The following DNAH11 variants were observed in gnomAD, a reference collection of about 807,000 sequenced individuals.
DNAH11 encodes the protein axonemal beta dynein heavy chain 11.
In DNAH11, 442 loss-of-function variants were observed where a neutral mutation model predicts 526.0. The observed-to-expected ratio is 0.84, with a 90% CI of 0.78 to 0.91. The LOEUF (loss-of-function observed/expected upper bound fraction) is 0.91, where lower values mean the gene tolerates loss of function less well. DNAH11 is among the 40% of genes least tolerant of loss of function. The pLI is 0.00. For missense variants in DNAH11, 6,989 were observed against 5,448.7 expected (o/e 1.28, Z -8.90); for synonymous variants, 2,461 against 1,935.9 (o/e 1.27, Z -7.12).
In DNAH11 at chr7:21,615,186, G is replaced by A; in HGVS notation, c.3925G>A (p.Ala1309Thr). 1 of 1,613,152 alleles carries A rather than the reference G, an allele frequency of 6.2e-7. No individual in the cohort carries two copies. Among genetic ancestry groups the A allele is most frequent in the Non-Finnish European group, 8.5e-7 (1 of 1,179,506 alleles). ...AGAATCTACTCGTCTTTTTGAAGTG[G>A]CTCTTCCAGAGTACAAACAAATGAA... is the stretch of plus-strand genomic sequence containing the variant. ...MQESTRLFEV[A>T]LPEYKQMKQC... The change falls in exon 21 of 82, where the codon GCT (alanine) becomes ACT (threonine). Residue 1309 changes from alanine to threonine, a missense_variant. By Grantham distance (58) the Ala-to-Thr change is moderately conservative. Transcript: ENST00000409508.
intron 65 of DNAH11, among the ~76,000 whole-genome samples, chr7:21,827,225 C>A (rs1790340480): frequency 6.6e-6 from 1 of 152,152 alleles, no homozygotes; most frequent in South Asian, 2.1e-4. Flanking sequence ...TTAAATCCAC[C>A]AAGCTCCAGA....
chr7:21,742,153 C>T lies in DNAH11; in HGVS notation c.8141C>T (p.Ser2714Leu), dbSNP rs1237605731. ...TACATCTTTAATCTGAGAGATTTATCAAACGTCTTCCAGGTACCTTGACTG... is the reference window on the plus strand; with the variant it reads ...TACATCTTTAATCTGAGAGATTTATTAAACGTCTTCCAGGTACCTTGACTG... The part of the protein sequence containing the change: ...FHYIFNLRDL[S>L]NVFQGILFAS... The change falls in exon 49 of 82, where the codon TCA (serine) becomes TTA (leucine). Residue 2714 changes from serine (S) to leucine (L), a missense_variant. By Grantham distance (145) the Ser-to-Leu change is moderately radical. Transcript: ENST00000409508. 2 of 1,613,614 alleles carry T rather than the reference C, an allele frequency of 1.2e-6. No homozygotes were observed. The highest frequency in any genetic ancestry group is 1.7e-6 in the Non-Finnish European group (2 of 1,179,804).
intron 65 of DNAH11, among the ~76,000 whole-genome samples, chr7:21,822,542 C>G (rs944005275): frequency 1.3e-5 from 2 of 152,152 alleles, no homozygotes; most frequent in Non-Finnish European, 2.9e-5. Flanking sequence ...GTTGGACACT[C>G]AAAAGGGTTT....
intron 14 of DNAH11, among the ~76,000 whole-genome samples, chr7:21,596,779 G>A (rs1784878693): frequency 6.6e-6 from 1 of 152,064 alleles, no homozygotes; most frequent in African/African-American, 2.4e-5. Flanking sequence ...TTGTCCTTAA[G>A]GCAAAAACTA....
At position 21,750,374 on chromosome 7, in the gene DNAH11, A is replaced by G. The variant is rs1060504814; in HGVS notation, c.8940+10A>G. ...GCGACTACAGCTCAAAGTAAGAAATACTTGCTTAATTTGCATGTTAGTTAA... is the reference window on the plus strand; with the variant it reads ...GCGACTACAGCTCAAAGTAAGAAATGCTTGCTTAATTTGCATGTTAGTTAA... On this transcript the variant is annotated intron_variant, in intron 54 of 81. Transcript: ENST00000409508. 2 of 1,592,844 alleles carry G rather than the reference A, an allele frequency of 1.3e-6. No individual in the cohort carries two copies. The highest frequency in any genetic ancestry group is 2.3e-5 in the South Asian group (2 of 86,740).
intron 12 of DNAH11, 89 bp downstream of exon 12, chr7:21,589,492 T>G (rs1784599246): frequency 8.6e-7 from 1 of 1,168,786 alleles, no homozygotes; most frequent in Admixed American, 2.6e-5. Context: ...TAATTTACAT[T>G]TGGGAAAATG....
chr7:21,752,536 G>A (rs1786458143), intron 54 of DNAH11, among the ~76,000 whole-genome samples: 8 of 152,006 alleles, frequency 5.3e-5, no homozygotes. Flanking sequence ...TCTTTTGTTT[G>A]TCTTTTAAAT....
Position 21,857,590 on chromosome 7 carries a change from A to C in DNAH11, c.11202+3135A>C, listed in dbSNP as rs367611258. On this transcript the variant is annotated intron_variant, in intron 68 of 81. Transcript: ENST00000409508. Reference sequence around the variant, plus strand: ...ATTTCTGATTTTAAGACTTAAATCTACACGAATCAAGATGTTGTGGTACTG... The same window carrying C: ...ATTTCTGATTTTAAGACTTAAATCTCCACGAATCAAGATGTTGTGGTACTG... 7.2e-5 allele frequency among the ~76,000 whole-genome samples: 11 copies of C among 152,292 alleles called. No individual in the cohort carries two copies. The East Asian group carries it at 1.2e-3, about 16-fold the overall frequency.
chr7:21,719,995 T>A (rs1583625355), intron 43 of DNAH11, among the ~76,000 whole-genome samples: 1 of 152,258 alleles, frequency 6.6e-6, no homozygotes, highest in African/African-American at 2.4e-5. Flanking sequence ...TTCCCCTCAT[T>A]GCTGGCGCAA....
At chr7:21,705,355 G>T in intron 38 of DNAH11, 105 bp from the exon 39 acceptor site, 1 of 1,045,426 alleles carries the variant, frequency 9.6e-7, no homozygotes, top group East Asian at 2.5e-5. Flanking sequence ...TTGTCAGTGG[G>T]GGCTGGCTTG....
At chr7:21,755,381 A>C (rs1343385988) in intron 54 of DNAH11, among the ~76,000 whole-genome samples, 4 of 152,156 alleles carry the variant, frequency 2.6e-5, no homozygotes, top group Non-Finnish European at 1.5e-5. Context: ...TAGTTCACCC[A>C]ATAATTTTTC....
chr7:21,846,783 G>T (rs186924149), intron 66 of DNAH11, among the ~76,000 whole-genome samples: 2 of 152,158 alleles, frequency 1.3e-5, no homozygotes, highest in East Asian at 3.9e-4. Context: ...GTAGAGAATT[G>T]ATACTATTTC....
intron 61 of DNAH11, among the ~76,000 whole-genome samples, chr7:21,791,418 G>T (rs10261077): frequency 6.6e-6 from 1 of 152,028 alleles, no homozygotes; most frequent in African/African-American, 2.4e-5. Context: ...CCAACCTTTC[G>T]CAACTTGATC....
At chr7:21,620,818 G>A (rs185195714) in intron 25 of DNAH11, among the ~76,000 whole-genome samples, 15 of 146,624 alleles carry the variant, frequency 1.0e-4, no homozygotes, top group African/African-American at 2.8e-4. Context: ...TGCGGTGTTT[G>A]GTTTTTTGTT....
At chr7:21,867,623 C>A (rs1783331243) in intron 71 of DNAH11, among the ~76,000 whole-genome samples, 1 of 152,036 alleles carries the variant, frequency 6.6e-6, no homozygotes, top group Admixed American at 6.6e-5. Flanking sequence ...TCTCAGTAGC[C>A]CCCCAAAATG....
intron 28 of DNAH11, among the ~76,000 whole-genome samples, chr7:21,653,231 A>G (rs149163780): frequency 2.0e-5 from 3 of 152,328 alleles, no homozygotes; most frequent in East Asian, 1.9e-4. Flanking sequence ...CTCACTGGGA[A>G]GAAGGAATTT....
intron 30 of DNAH11, among the ~76,000 whole-genome samples, chr7:21,675,300 A>G (rs577799703): frequency 2.0e-5 from 3 of 152,210 alleles, no homozygotes; most frequent in African/African-American, 4.8e-5. Flanking sequence ...GACCTCTTTC[A>G]GTTTTTCCAC....
intron 68 of DNAH11, among the ~76,000 whole-genome samples, chr7:21,858,070 C>T (rs2128028147): frequency 6.6e-6 from 1 of 152,154 alleles, no homozygotes; most frequent in East Asian, 1.9e-4. Flanking sequence ...ACTTGTACAA[C>T]TCAGTAATAA....
chr7:21,636,292 C>T (rs1329544212), intron 26 of DNAH11, among the ~76,000 whole-genome samples, 197 bp downstream of exon 26: 3 of 152,122 alleles, frequency 2.0e-5, no homozygotes, highest in Non-Finnish European at 4.4e-5. Context: ...CTGAATGCTG[C>T]CATTACAACA....
Sources: gnomAD v4.1 joint callset for allele counts (sites outside exome capture counted in the v4.1 genomes callset) on GRCh38, gnomAD v4.1.1 for gene constraint, MANE v1.5 for transcripts, NCBI Gene and HGNC (gene_info 2026-07-23, HGNC 2026-07-21) for gene names.